Variants in NALF1 observed in about 807,000 individuals in gnomAD.
The protein encoded by NALF1 is family with sequence similarity 155 member A.
NALF1 carries 3 observed loss-of-function variants against 48.4 expected under a neutral mutation model. That is an observed-to-expected ratio of 0.06 (90% CI 0.03 to 0.16). The LOEUF is 0.16. Among genes scored for constraint, NALF1 ranks in the 10% least tolerant of loss-of-function variants. The pLI is 1.00. For missense variants in NALF1, 526 were observed against 571.5 expected (o/e 0.92, Z 0.81); for synonymous variants, 262 against 245.7 (o/e 1.07, Z -0.62).
intron 1 of NALF1, among the ~76,000 whole-genome samples, chr13:107,757,596 C>G (rs922461913): frequency 3.3e-5 from 5 of 152,010 alleles, no homozygotes; most frequent in Non-Finnish European, 5.9e-5. Flanking sequence ...ATATCTGTTT[C>G]TATTATTTTG....
chr13:107,761,076 G>A (rs1056423948), intron 1 of NALF1, among the ~76,000 whole-genome samples: 1 of 152,162 alleles, frequency 6.6e-6, no homozygotes, highest in Non-Finnish European at 1.5e-5. Flanking sequence ...ACACCGGCCA[G>A]GCGCGGTGGC....
chr13:107,336,983 G>A (rs1377857672), intron 1 of NALF1, among the ~76,000 whole-genome samples: 1 of 126,522 alleles, frequency 7.9e-6, no homozygotes, highest in African/African-American at 3.1e-5. Context: ...AACCCGCATT[G>A]TTCTTCTTTT....
chr13:107,861,280 A>G (rs2138650099), intron 1 of NALF1, among the ~76,000 whole-genome samples: 1 of 152,360 alleles, frequency 6.6e-6, no homozygotes, highest in East Asian at 1.9e-4. Flanking sequence ...AGTCATCTGC[A>G]TGGTCAGACT....
chr13:107,801,747 G>T (rs532355670), intron 1 of NALF1, among the ~76,000 whole-genome samples: 2 of 152,240 alleles, frequency 1.3e-5, no homozygotes, highest in South Asian at 4.1e-4. Context: ...TTTCAAAAAT[G>T]TTTCACCAGG....
At chr13:107,814,259 G>T (rs55814421) in intron 1 of NALF1, among the ~76,000 whole-genome samples, 13,456 of 152,112 alleles carry the variant, frequency 0.088, 691 homozygotes, top group Middle Eastern at 0.2. Flanking sequence ...GTAAGAAGAG[G>T]TATTTTTAGA....
intron 1 of NALF1, among the ~76,000 whole-genome samples, chr13:107,507,915 C>A (rs1004507463): frequency 2.6e-5 from 4 of 152,134 alleles, no homozygotes; most frequent in African/African-American, 9.7e-5. Flanking sequence ...GTGGCTCCAC[C>A]CTGTGTCATC....
At chr13:107,581,703 C>A (rs1878316024) in intron 1 of NALF1, among the ~76,000 whole-genome samples, 1 of 152,152 alleles carries the variant, frequency 6.6e-6, no homozygotes, top group Non-Finnish European at 1.5e-5. Flanking sequence ...TCCTTGAGCC[C>A]TGTACAGCTC....
At chr13:107,633,676 T>A (rs551550802) in intron 1 of NALF1, among the ~76,000 whole-genome samples, 1 of 150,486 alleles carries the variant, frequency 6.6e-6, no homozygotes. Flanking sequence ...TTTTTAACTT[T>A]ATTATACATT....
intron 1 of NALF1, among the ~76,000 whole-genome samples, chr13:107,694,229 C>T (rs908881781): frequency 3.9e-5 from 6 of 152,154 alleles, no homozygotes; most frequent in South Asian, 2.1e-4. Flanking sequence ...TTCTCAGCCT[C>T]GATCCATGTT....
intron 1 of NALF1, among the ~76,000 whole-genome samples, chr13:107,388,677 C>T (rs1476622785): frequency 6.6e-6 from 1 of 152,076 alleles, no homozygotes; most frequent in Non-Finnish European, 1.5e-5. Context: ...AAGTGTACTC[C>T]ATCAAGAAAA....
At chr13:107,366,456 A>T (rs1052535401) in intron 1 of NALF1, among the ~76,000 whole-genome samples, 2 of 152,206 alleles carry the variant, frequency 1.3e-5, no homozygotes, top group Non-Finnish European at 2.9e-5. Flanking sequence ...AGGCCTGCCT[A>T]TGTGGATGAG....
At chr13:107,265,585 T>C (rs1020123427) in intron 1 of NALF1, among the ~76,000 whole-genome samples, 1 of 152,118 alleles carries the variant, frequency 6.6e-6, no homozygotes, top group African/African-American at 2.4e-5. Context: ...TTTGTGTTTT[T>C]AGTAGAGATG....
intron 1 of NALF1, among the ~76,000 whole-genome samples, chr13:107,378,711 G>A (rs1395021646): frequency 6.6e-6 from 1 of 152,130 alleles, no homozygotes; most frequent in African/African-American, 2.4e-5. Context: ...TATTGAATAT[G>A]AAATATTGTC....
At position 107,841,409 on chromosome 13, in the gene NALF1, T is replaced by C. The variant is rs529443119; in HGVS notation, c.915+24273A>G. ...TGATTATTTGGCACATTTGATGACA[T>C]GAAGAAGTGCTCTTCAAGGGTATTT... is the stretch of plus-strand genomic sequence containing the variant. On this transcript the variant is annotated intron_variant, in intron 1 of 2. Coordinates refer to ENST00000375915, the MANE Select transcript of NALF1 (RefSeq NM_001080396.3). Among the ~76,000 whole-genome samples the C allele has an allele frequency of 4.6e-5, 7 of 152,214 alleles. No individual in the cohort carries two copies. In the East Asian group the frequency reaches 9.7e-4, roughly 21 times the overall value.
chr13:107,603,156 T>C (rs1042120207), intron 1 of NALF1, among the ~76,000 whole-genome samples: 2 of 152,236 alleles, frequency 1.3e-5, no homozygotes, highest in African/African-American at 2.4e-5. Flanking sequence ...ATTGTACTGA[T>C]ATGCAATTTA....
chr13:107,740,629 T>C (rs1156789695), intron 1 of NALF1, among the ~76,000 whole-genome samples: 2 of 152,220 alleles, frequency 1.3e-5, no homozygotes, highest in Admixed American at 6.5e-5. Context: ...ATTTCAAACA[T>C]TTTTCCATAA....
At chr13:107,415,380 T>G (rs1717181103) in intron 1 of NALF1, among the ~76,000 whole-genome samples, 1 of 138,510 alleles carries the variant, frequency 7.2e-6, no homozygotes, top group Non-Finnish European at 1.5e-5. Context: ...AAGGAGAGAG[T>G]TTTTTTTTTT....
At chr13:107,826,720 T>C (rs770211965) in intron 1 of NALF1, among the ~76,000 whole-genome samples, 9 of 152,202 alleles carry the variant, frequency 5.9e-5, no homozygotes, top group African/African-American at 9.7e-5. Flanking sequence ...CTTTTCCTTC[T>C]GAAGAGGAGG....
At chr13:107,492,610 C>CA (rs1487788489) in intron 1 of NALF1, among the ~76,000 whole-genome samples, 1 of 152,118 alleles carries the variant, frequency 6.6e-6, no homozygotes, top group Non-Finnish European at 1.5e-5. Context: ...TGCAATTCTA[C>CA]AGTATTTTTC....
Sources: allele counts gnomAD v4.1 joint callset (sites outside exome capture counted in the v4.1 genomes callset), GRCh38; gene constraint gnomAD v4.1.1; transcripts MANE v1.5; gene names NCBI Gene and HGNC (gene_info 2026-07-23, HGNC 2026-07-21).